EDEM3: variants seen among roughly 807,000 people sequenced by gnomAD.
EDEM3 encodes the protein ER degradation-enhancing alpha-mannosidase-like protein 3.
A neutral mutation model predicts 110.2 loss-of-function variants in EDEM3; 60 were observed. The ratio of observed to expected loss-of-function variants is 0.54; its 90% confidence interval spans 0.44 to 0.67. The LOEUF is 0.67. Among genes scored for constraint, EDEM3 ranks in the 30% least tolerant of loss-of-function variants. The probability of loss-of-function intolerance (pLI) is 0.00; values close to 1 mark genes in which losing one functional copy is unlikely to be tolerated. For missense variants in EDEM3, 996 were observed against 1,121.0 expected (o/e 0.89, Z 1.59); for synonymous variants, 352 against 382.9 (o/e 0.92, Z 0.94).
At chr1:184,719,324 G>A in intron 10 of EDEM3, 79 bp from the exon 11 acceptor site, 2 of 1,509,924 alleles carry the variant, frequency 1.3e-6, no homozygotes, top group Non-Finnish European at 1.8e-6. Flanking sequence ...ACAGAAAAAT[G>A]TATACAAATA....
rs144981613 is a variant in EDEM3, at chr1:184,743,351, C to G, written c.205-5640G>C. 2.9e-3 allele frequency among the ~76,000 whole-genome samples: 434 copies of G among 151,994 alleles called. 5 individuals are homozygous for G. The East Asian group carries it at 0.036, about 13-fold the overall frequency. ...CTTCACAGTTTATTGTTGAGGGATA[C>G]GTAATTCATATTGATATGACTCAGA... is the stretch of plus-strand genomic sequence containing the variant. On this transcript the variant is annotated intron_variant, in intron 2 of 19. Transcript: ENST00000318130.
At chr1:184,700,811 A>G (rs1649575588) in intron 19 of EDEM3, among the ~76,000 whole-genome samples, 1 of 151,992 alleles carries the variant, frequency 6.6e-6, no homozygotes, top group South Asian at 2.1e-4. Context: ...CACTATTACC[A>G]TTGATTTCTG....
intron 1 of EDEM3, among the ~76,000 whole-genome samples, chr1:184,753,170 A>G (rs1197986920): frequency 6.6e-6 from 1 of 152,032 alleles, no homozygotes; most frequent in Non-Finnish European, 1.5e-5. Flanking sequence ...CCCATGAGAT[A>G]ATCTTCGTTC....
chr1:184,735,633 C>T (rs1651781259), intron 4 of EDEM3, among the ~76,000 whole-genome samples: 1 of 152,086 alleles, frequency 6.6e-6, no homozygotes. Context: ...AGAGTATCTC[C>T]CTAAATTCAG....
intron 1 of EDEM3, among the ~76,000 whole-genome samples, chr1:184,752,818 T>C (rs1043609689): frequency 6.6e-6 from 1 of 152,182 alleles, no homozygotes; most frequent in African/African-American, 2.4e-5. Flanking sequence ...TACCAATTAC[T>C]AGCTTTGTGG....
Position 184,690,814 on chromosome 1 carries a change from A to G in EDEM3, c.*3249T>C, listed in dbSNP as rs1451448229. The G allele has an allele frequency of 6.6e-6, 1 of 150,566 alleles. No homozygotes were observed. The highest frequency in any genetic ancestry group is 2.5e-5 in the African/African-American group (1 of 40,730). 9.3% of individuals were successfully genotyped at this position (150,566 alleles called of 1,614,324 possible). On this transcript the variant is annotated 3_prime_UTR_variant, in exon 20 of 20. Transcript: ENST00000318130. The stretch of plus-strand genomic sequence containing the variant: ...CATTCACAGAATGTTTTTTTTTTCT[A>G]TGTTCTGACTGAAGCCTTGTGCATA...
rs761426910 is a variant in EDEM3, at chr1:184,694,470, G to A, written c.2392C>T (p.Pro798Ser). Residue 798 changes from proline (P) to serine (S), a missense_variant and splice_region_variant, in exon 20 of 20, where the codon CCT becomes TCT. Transcript: ENST00000318130. ...LLSDKAKDRD[P>S]EMENEEQPSS... Reference sequence around the variant, plus strand: ...GGTTGTTCTTCATTTTCCATTTCAGGATCTGTATGAGAAAGAAACAAACCT... The same window carrying A: ...GGTTGTTCTTCATTTTCCATTTCAGAATCTGTATGAGAAAGAAACAAACCT... 4 of 1,592,250 alleles carry A rather than the reference G, an allele frequency of 2.5e-6. No homozygotes were observed. The African/African-American group carries it at 5.4e-5, about 21-fold the overall frequency.
intron 18 of EDEM3, among the ~76,000 whole-genome samples, chr1:184,706,275 G>A (rs1219457184): frequency 6.6e-6 from 1 of 152,104 alleles, no homozygotes; most frequent in African/African-American, 2.4e-5. Flanking sequence ...GTGGAGTAAT[G>A]GAAATTTTCA....
In EDEM3 at chr1:184,712,631, GATAAAA is replaced by G. The variant is rs774800401; in HGVS notation, c.1371-39_1371-34del. 5 of 1,394,180 alleles carry G rather than the reference GATAAAA, an allele frequency of 3.6e-6. No homozygotes were observed. The African/African-American group carries it at 7.5e-5, about 21-fold the overall frequency. The allele number at this position is 1,394,180 out of a possible 1,614,324, so 86.4% of individuals were successfully genotyped here. On this transcript the variant is annotated intron_variant, in intron 13 of 19. Transcript: ENST00000318130. ...AAAAAGTCACAAATAAATATAAGTAGATAAAAATAATTTAAATGCCAACTATATGAA... is the reference window on the plus strand; with the variant it reads ...AAAAAGTCACAAATAAATATAAGTAGATAATTTAAATGCCAACTATATGAA...
intron 13 of EDEM3, among the ~76,000 whole-genome samples, chr1:184,715,521 AT>A (rs1009379911): frequency 2.6e-5 from 4 of 152,234 alleles, no homozygotes; most frequent in African/African-American, 7.2e-5. Context: ...TAGGTGTTTA[AT>A]TATTGTTCTT....
intron 7 of EDEM3, among the ~76,000 whole-genome samples, chr1:184,724,705 T>A (rs1002372642): frequency 6.6e-6 from 1 of 152,210 alleles, no homozygotes; most frequent in African/African-American, 2.4e-5. Context: ...CTGATTTCTC[T>A]TAAACACAAA....
At chr1:184,710,098 CAG>C (rs1369187822) in intron 16 of EDEM3, among the ~76,000 whole-genome samples, 1 of 151,966 alleles carries the variant, frequency 6.6e-6, no homozygotes, top group Admixed American at 6.6e-5. Flanking sequence ...ATAAAAGTAA[CAG>C]GGGAAAGCCA....
chr1:184,714,984 C>G (rs1650464510), intron 13 of EDEM3, among the ~76,000 whole-genome samples: 1 of 152,098 alleles, frequency 6.6e-6, no homozygotes, highest in South Asian at 2.1e-4. Flanking sequence ...AGTTCTTAAC[C>G]TTTCATTTGG....
In EDEM3 at chr1:184,703,628, T is replaced by G. The variant is rs1053680293; in HGVS notation, c.2204-632A>C. On this transcript the variant is annotated intron_variant, in intron 18 of 19. Transcript: ENST00000318130. ...TAGTAGTAGTACCAGCAACATGCTG[T>G]TTTACTGAAGACGACAATCACGACC... Among the ~76,000 whole-genome samples, 83 of 152,332 alleles carry G rather than the reference T, an allele frequency of 5.4e-4. No homozygotes were observed. The East Asian group carries it at 0.016, about 29-fold the overall frequency.
intron 2 of EDEM3, among the ~76,000 whole-genome samples, chr1:184,744,271 T>TATATATATATATATATATATA (rs2102129742): frequency 8.4e-6 from 1 of 118,710 alleles, no homozygotes; most frequent in Admixed American, 8.3e-5. Context: ...TATATATATA[T>TATATATATATATATATATATA]ATATATATAT....
intron 4 of EDEM3, 31 bp downstream of exon 4, chr1:184,736,994 A>G (rs768464487): frequency 3.2e-6 from 5 of 1,578,454 alleles, no homozygotes; most frequent in Middle Eastern, 1.7e-4. Flanking sequence ...CATATCATGA[A>G]TAAAATAAAT....
rs1376227495 is a variant in EDEM3 at position 184,719,444 on chromosome 1, T to C, written c.1076A>G (p.Gln359Arg). ...TTAAGAAGACAGAATTCTTTATACC[T>C]GCAAGCCTGGGAAGAAGGCAAGCAA... is the stretch of plus-strand genomic sequence containing the variant. ...DALLAFFPGL[Q>R]VLKGDIRPAI... Residue 359 changes from glutamine (Q) to arginine (R), a missense_variant and splice_region_variant, in exon 10 of 20, where the codon CAG (glutamine) becomes CGG (arginine). This residue lies in a region of EDEM3 where 310 missense variants were observed against 394.6 expected (regional missense o/e 0.79). Coordinates refer to ENST00000318130, the MANE Select transcript of EDEM3 (RefSeq NM_025191.4). 6.2e-7 allele frequency: 1 copy of C among 1,612,172 alleles called. No homozygotes were observed. The highest frequency in any genetic ancestry group is 1.7e-5 in the Admixed American group (1 of 59,518).
chr1:184,713,706 A>G (rs1279817799), intron 13 of EDEM3, among the ~76,000 whole-genome samples: 1 of 152,246 alleles, frequency 6.6e-6, no homozygotes, highest in Non-Finnish European at 1.5e-5. Context: ...GGAGTAGAAC[A>G]AAGAAGTAAA....
intron 18 of EDEM3, among the ~76,000 whole-genome samples, chr1:184,704,961 T>A (rs773486821): frequency 4.0e-5 from 6 of 151,852 alleles, no homozygotes; most frequent in Non-Finnish European, 8.8e-5. Flanking sequence ...TCCCAGCTAC[T>A]CGGGAGACTG....
Sources: gnomAD v4.1 joint callset for allele counts (sites outside exome capture counted in the v4.1 genomes callset) on GRCh38, gnomAD v4.1.1 for gene constraint, gnomAD v4.1.1 regional missense constraint, MANE v1.5 for transcripts, NCBI Gene and HGNC (gene_info 2026-07-23, HGNC 2026-07-21) for gene names.